Variants in ACTR10 observed in about 807,000 individuals in gnomAD.
ACTR10 encodes the protein actin related protein 10.
A neutral mutation model predicts 56.2 loss-of-function variants in ACTR10; 43 were observed. The observed-to-expected ratio is 0.77, with a 90% CI of 0.60 to 0.99. ACTR10 has a LOEUF of 0.99. Ranked by LOEUF, ACTR10 falls within the 50% of genes least tolerant of loss-of-function variation. The pLI, the probability that ACTR10 is intolerant of heterozygous loss-of-function variation, is 0.00. For missense variants in ACTR10, 466 were observed against 507.8 expected (o/e 0.92, Z 0.79); for synonymous variants, 170 against 176.3 (o/e 0.96, Z 0.28).
chr14:58,227,930 T>A (rs1380754688), intron 10 of ACTR10, among the ~76,000 whole-genome samples: 1 of 152,060 alleles, frequency 6.6e-6, no homozygotes, highest in Non-Finnish European at 1.5e-5. Context: ...AACTTAGAAG[T>A]TTATCTCATT....
intron 5 of ACTR10, among the ~76,000 whole-genome samples, chr14:58,211,994 C>G (rs944082538): frequency 1.3e-5 from 2 of 150,664 alleles, no homozygotes; most frequent in African/African-American, 4.9e-5. Flanking sequence ...TTTTAAATCT[C>G]CAGAGGCTTT....
intron 5 of ACTR10, 73 bp from the exon 6 acceptor site, chr14:58,213,558 C>A: frequency 1.0e-6 from 1 of 994,184 alleles, no homozygotes; most frequent in Non-Finnish European, 1.5e-6. Flanking sequence ...AACAGTACTG[C>A]AGAAGGTGAG....
chr14:58,234,543 G>T lies in ACTR10; in HGVS notation c.1246G>T (p.Glu416Ter). ...PPLMKRAFST[E>*]K ...TCTGATGAAGAGAGCATTTTCCACTGAGAAATAGAAGTTTGATTAAAAATC... is the reference window on the plus strand; with the variant it reads ...TCTGATGAAGAGAGCATTTTCCACTTAGAAATAGAAGTTTGATTAAAAATC... Residue 416 changes from glutamate (E) to a stop codon, truncating the protein, a stop_gained, in exon 13 of 13, where the codon GAG becomes TAG. Coordinates refer to ENST00000254286, the MANE Select transcript of ACTR10 (RefSeq NM_018477.3). LOFTEE classifies it high-confidence loss of function. 6.2e-7 allele frequency: 1 copy of T among 1,603,788 alleles called. No individual in the cohort carries two copies. Among genetic ancestry groups the T allele is most frequent in the South Asian group, 1.1e-5 (1 of 89,000 alleles).
At chr14:58,202,101 A>G (rs924486407) in intron 1 of ACTR10, among the ~76,000 whole-genome samples, 12 of 152,160 alleles carry the variant, frequency 7.9e-5, no homozygotes, top group Non-Finnish European at 1.5e-4. Context: ...GATTAAAACT[A>G]TGTCAAATAT....
In ACTR10 at chr14:58,211,351, T is replaced by C; in HGVS notation, c.402T>C (p.Asn134=). The C allele has an allele frequency of 6.2e-7, 1 of 1,613,928 alleles. No individual in the cohort carries two copies. Among genetic ancestry groups the C allele is most frequent in the Non-Finnish European group, 8.5e-7 (1 of 1,179,866 alleles). Reference sequence around the variant, plus strand: ...TGGCTCTTCTGACGCTTGGAATTAATTCTGCCATGGTCCTAGATTGTGGAT... The same window carrying C: ...TGGCTCTTCTGACGCTTGGAATTAACTCTGCCATGGTCCTAGATTGTGGAT... The part of the protein sequence containing the change: ...HLMALLTLGI[N]SAMVLDCGYR... Residue 134 remains asparagine (N), a synonymous_variant, in exon 5 of 13, where the codon AAT becomes AAC. Coordinates refer to ENST00000254286, the MANE Select transcript of ACTR10 (RefSeq NM_018477.3).
intron 10 of ACTR10, 115 bp from the exon 11 acceptor site, chr14:58,230,284 T>C (rs1889498223): frequency 3.9e-6 from 2 of 512,922 alleles, no homozygotes; most frequent in African/African-American, 2.0e-5. Flanking sequence ...AATTATTCTT[T>C]GTTAATGTAG....
At chr14:58,225,523 A>G (rs1373126049) in intron 10 of ACTR10, among the ~76,000 whole-genome samples, 1 of 152,214 alleles carries the variant, frequency 6.6e-6, no homozygotes, top group Non-Finnish European at 1.5e-5. Flanking sequence ...GCAGTAGGAC[A>G]GGGTAGCAAA....
rs766288805 is a variant in ACTR10 at position 58,211,316 on chromosome 14, A to G, written c.367A>G (p.Ser123Gly). 13 of 1,613,602 alleles carry G rather than the reference A, an allele frequency of 8.1e-6. No individual in the cohort carries two copies. In the South Asian group the frequency reaches 1.2e-4, roughly 15 times the overall value. ...GGTTCCATCTGTCTTGCTTGCTCCA[A>G]GTCATCTAATGGCTCTTCTGACGCT... Reference protein sequence around the residue: ...FEVPSVLLAPSHLMALLTLGI... With the variant: ...FEVPSVLLAPGHLMALLTLGI... Residue 123 changes from serine (S) to glycine (G), a missense_variant, in exon 5 of 13, where the codon AGT (serine) becomes GGT (glycine). By Grantham distance (56) the Ser-to-Gly change is moderately conservative. Transcript: ENST00000254286.
chr14:58,216,113 A>G (rs2140052349), intron 7 of ACTR10, among the ~76,000 whole-genome samples: 1 of 152,036 alleles, frequency 6.6e-6, no homozygotes, highest in South Asian at 2.1e-4. Flanking sequence ...GTTGCCAGGA[A>G]TAACTTTCCA....
chr14:58,202,782 A>G (rs1888756356), intron 1 of ACTR10, 73 bp from the exon 2 acceptor site: 2 of 1,066,168 alleles, frequency 1.9e-6, no homozygotes, highest in Admixed American at 2.2e-5. Context: ...AAACAAATAC[A>G]GAGAAAATTA....
Position 58,209,044 on chromosome 14 carries a change from A to G in ACTR10, c.279A>G (p.Glu93=). The stretch of plus-strand genomic sequence containing the variant: ...GAGACCGCCGAGTTGTGATTATCGA[A>G]TCGGTATTATGTCCTTCTCACTTCA... ...NPRDRRVVII[E]SVLCPSHFRE... Residue 93 remains glutamate (E), a synonymous_variant, in exon 4 of 13, where the codon GAA becomes GAG. Coordinates refer to ENST00000254286, the MANE Select transcript of ACTR10 (RefSeq NM_018477.3). 1 of 1,612,944 alleles carries G rather than the reference A, an allele frequency of 6.2e-7. No homozygotes were observed. Among genetic ancestry groups the G allele is most frequent in the East Asian group, 2.2e-5 (1 of 44,788 alleles).
rs2140040370 is a variant in ACTR10 at position 58,202,900 on chromosome 14, T to C, written c.123T>C (p.Ser41=). The change falls in exon 2 of 13, where the codon AGT becomes AGC. Residue 41 remains serine (S), a synonymous_variant. Coordinates refer to ENST00000254286, the MANE Select transcript of ACTR10 (RefSeq NM_018477.3). ...GETGPRCIIP[S]VIKRAGMPKP... ...CTGGTCCAAGATGTATAATTCCTAG[T>C]GTGATAAAAAGAGCTGGGATGCCTA... 6.2e-7 allele frequency: 1 copy of C among 1,606,608 alleles called. No individual in the cohort carries two copies.
At chr14:58,230,093 T>A (rs1443116834) in intron 10 of ACTR10, among the ~76,000 whole-genome samples, 3 of 150,772 alleles carry the variant, frequency 2.0e-5, no homozygotes, top group Non-Finnish European at 4.4e-5. Context: ...TTTGGGGAGT[T>A]ATAATTGGAC....
At chr14:58,212,159 A>AG in intron 5 of ACTR10, among the ~76,000 whole-genome samples, 1 of 152,176 alleles carries the variant, frequency 6.6e-6, no homozygotes, top group South Asian at 2.1e-4. Context: ...TGGGGATTAT[A>AG]ATATTTCCAT....
At position 58,235,472 on chromosome 14, in the gene ACTR10, T is replaced by G. The variant is rs1258392309; in HGVS notation, c.*921T>G. ...TCTAAGAAAAAAGATACTTCATTTT[T>G]ATATAAGGTTACAACTGCTTTATAA... On this transcript the variant is annotated 3_prime_UTR_variant, in exon 13 of 13. Transcript: ENST00000254286. The G allele has an allele frequency of 1.3e-5, 2 of 152,248 alleles. No homozygotes were observed. The highest frequency in any genetic ancestry group is 2.9e-5 in the Non-Finnish European group (2 of 68,038). 9.4% of individuals were successfully genotyped at this position (152,248 alleles called of 1,614,324 possible).
chr14:58,202,457 A>G (rs1594801776), intron 1 of ACTR10, among the ~76,000 whole-genome samples: 1 of 151,144 alleles, frequency 6.6e-6, no homozygotes, highest in African/African-American at 2.4e-5. Flanking sequence ...GGTGGCCGGC[A>G]CCTGTAGTCC....
intron 1 of ACTR10, among the ~76,000 whole-genome samples, chr14:58,201,486 G>A (rs1202116763): frequency 6.6e-6 from 1 of 152,148 alleles, no homozygotes; most frequent in African/African-American, 2.4e-5. Context: ...GATGTTTGAG[G>A]AGCACTGATG....
rs1889330867 is a variant in ACTR10 at position 58,223,644 on chromosome 14, T to C, written c.657T>C (p.Asp219=). 6.2e-7 allele frequency: 1 copy of C among 1,613,258 alleles called. No individual in the cohort carries two copies. Among genetic ancestry groups the C allele is most frequent in the Non-Finnish European group, 8.5e-7 (1 of 1,179,762 alleles). Residue 219 remains aspartate, a synonymous_variant, in exon 9 of 13, where the codon GAT becomes GAC. Coordinates refer to ENST00000254286, the MANE Select transcript of ACTR10 (RefSeq NM_018477.3). ...AAGCGCGTACTTGCTTTGTAAGTGA[T>C]CTGAAGCGAGGACTAAAAATCCAAG... ...DIKARTCFVS[D]LKRGLKIQAA... is the part of the protein sequence containing the mutation.
At chr14:58,200,525 C>T (rs1888680206) in intron 1 of ACTR10, among the ~76,000 whole-genome samples, 1 of 152,182 alleles carries the variant, frequency 6.6e-6, no homozygotes, top group Non-Finnish European at 1.5e-5. Context: ...GTTGAATTGC[C>T]CTCGTCGCCG....
Sources: gnomAD v4.1 joint callset for allele counts (sites outside exome capture counted in the v4.1 genomes callset) on GRCh38, gnomAD v4.1.1 for gene constraint, MANE v1.5 for transcripts, NCBI Gene and HGNC (gene_info 2026-07-23, HGNC 2026-07-21) for gene names.